The following SNX1 variants were observed in gnomAD, a reference collection of about 807,000 sequenced individuals.
The protein encoded by SNX1 is sorting nexin-1.
Under a neutral mutation model 71.8 loss-of-function variants are expected in SNX1, and 36 were observed. That is an observed-to-expected ratio of 0.50 (90% CI 0.38 to 0.66). The LOEUF (loss-of-function observed/expected upper bound fraction) is 0.66. SNX1 is among the 30% of genes least tolerant of loss of function. The pLI is 0.00. For synonymous variants in SNX1, 254 were observed against 240.7 expected (o/e 1.06, Z -0.51); for missense variants, 612 against 646.7 (o/e 0.95, Z 0.58).
At chr15:64,108,987 C>CA (rs57979534) in intron 1 of SNX1, among the ~76,000 whole-genome samples, 242 of 100,816 alleles carry the variant, frequency 2.4e-3, no homozygotes, top group East Asian at 5.2e-3. Context: ...GATTCCATCT[C>CA]AAAAAAAAAA....
chr15:64,136,802 C>A, intron 13 of SNX1, 59 bp from the exon 14 acceptor site: 1 of 1,288,766 alleles, frequency 7.8e-7, no homozygotes, highest in Non-Finnish European at 1.1e-6. Context: ...ATAAACACCA[C>A]CATCCCATCG....
At chr15:64,122,597 C>G (rs1391931686) in intron 4 of SNX1, among the ~76,000 whole-genome samples, 5 of 152,158 alleles carry the variant, frequency 3.3e-5, no homozygotes. Flanking sequence ...ACCCCTCACC[C>G]CAGAACCAGT....
rs371935810 is a variant in SNX1 at position 64,136,349 on chromosome 15, A to G, written c.1385A>G (p.Gln462Arg). 22 of 1,613,928 alleles carry G rather than the reference A, an allele frequency of 1.4e-5. No individual in the cohort carries two copies. The African/African-American group carries it at 2.8e-4, about 21-fold the overall frequency. The stretch of plus-strand genomic sequence containing the variant: ...TCCCAGTGGGAGTCTCGGGTGACTC[A>G]ATATGAAAGGGACTTCGAGAGGATT... ...EILEWESRVT[Q>R]YERDFERIST... is the part of the protein sequence containing the mutation. The change falls in exon 13 of 15, where the codon CAA becomes CGA. Residue 462 changes from glutamine (Q) to arginine (R), a missense_variant. Gln to Arg is a conservative substitution (Grantham distance 43). Around this residue, in one of 2 missense-constraint regions of SNX1, gnomAD observed 296 missense variants for 361.9 expected, o/e 0.82. Coordinates refer to ENST00000559844, the MANE Select transcript of SNX1 (RefSeq NM_003099.5).
intron 6 of SNX1, among the ~76,000 whole-genome samples, chr15:64,126,460 G>A (rs1301948300): frequency 6.6e-6 from 1 of 152,150 alleles, no homozygotes; most frequent in African/African-American, 2.4e-5. Flanking sequence ...TTTTCTGTTG[G>A]TCTTCAGGAG....
In SNX1 at chr15:64,129,921, A is replaced by G. The variant is rs1454346705; in HGVS notation, c.813A>G (p.Pro271=). The change falls in exon 9 of 15, where the codon CCA becomes CCG. Residue 271 remains proline, a synonymous_variant. Transcript: ENST00000559844. The surrounding 1 kb of genome is among the most constrained non-coding windows in gnomAD (Gnocchi z 4.4). ...VREFLEKEEL[P]RAVGTQTLSG... is the part of the protein sequence containing the mutation. ...CTGCCTTCTTGGTCTTGTAGCTGCCACGTGCCGTGGGTACCCAGACATTGA... is the reference window on the plus strand; with the variant it reads ...CTGCCTTCTTGGTCTTGTAGCTGCCGCGTGCCGTGGGTACCCAGACATTGA... The G allele has an allele frequency of 6.2e-7, 1 of 1,613,638 alleles. No individual in the cohort carries two copies. Among genetic ancestry groups the G allele is most frequent in the Non-Finnish European group, 8.5e-7 (1 of 1,179,586 alleles).
intron 1 of SNX1, among the ~76,000 whole-genome samples, chr15:64,104,970 C>T (rs912525248): frequency 2.0e-5 from 3 of 151,214 alleles, no homozygotes; most frequent in Non-Finnish European, 4.4e-5. Context: ...CACGGTGGCT[C>T]ACGCCTGTAA....
chr15:64,127,594 C>T (rs2081266562), intron 7 of SNX1, 137 bp from the exon 8 acceptor site: 1 of 645,880 alleles, frequency 1.5e-6, no homozygotes, highest in African/African-American at 1.8e-5. Flanking sequence ...CAAGGAGAGA[C>T]CTACTTAAGT....
intron 14 of SNX1, 30 bp from the exon 15 acceptor site, chr15:64,137,538 C>T: frequency 6.2e-7 from 1 of 1,613,730 alleles, no homozygotes; most frequent in Non-Finnish European, 8.5e-7. Flanking sequence ...TAGGTGGGGG[C>T]ACTTGCTTAA....
At position 64,142,566 on chromosome 15, in the gene SNX1, G is replaced by A; in HGVS notation, c.*4948G>A. 2.2e-6 allele frequency: 1 copy of A among 452,680 alleles called. No homozygotes were observed. Among genetic ancestry groups the A allele is most frequent in the Non-Finnish European group, 4.4e-6 (1 of 224,822 alleles). 28.0% of individuals were successfully genotyped at this position (452,680 alleles called of 1,614,324 possible). A position where few individuals can be genotyped will look rare whatever the true frequency, so the allele number is the denominator to read the frequency against. On this transcript the variant is annotated 3_prime_UTR_variant, in exon 15 of 15. Transcript: ENST00000559844. Reference sequence around the variant, plus strand: ...CTGCTGAGGCCACAGGAAAGAATCTGTAGGTGGAGGGGAGGCCGAAGAGGG... The same window carrying A: ...CTGCTGAGGCCACAGGAAAGAATCTATAGGTGGAGGGGAGGCCGAAGAGGG...
chr15:64,138,321 C>CTA lies in SNX1; in HGVS notation c.*704_*705insAT. ...TGCAAAGGAGGCAGAGACTTTCTCT[C>CTA]TCTCTTTTTTTTTTTTTTTTGGTGT... On this transcript the variant is annotated 3_prime_UTR_variant, in exon 15 of 15. Transcript: ENST00000559844. 1.1e-5 allele frequency: 8 copies of CTA among 748,152 alleles called. No homozygotes were observed. Among genetic ancestry groups the CTA allele is most frequent in the African/African-American group, 6.9e-5 (3 of 43,736 alleles). 46.3% of individuals were successfully genotyped at this position (748,152 alleles called of 1,614,324 possible).
chr15:64,138,393 C>A lies in SNX1; in HGVS notation c.*775C>A. 1.9e-6 allele frequency: 1 copy of A among 537,924 alleles called. No individual in the cohort carries two copies. The highest frequency in any genetic ancestry group is 3.2e-6 in the Non-Finnish European group (1 of 315,348). 33.3% of individuals were successfully genotyped at this position (537,924 alleles called of 1,614,324 possible). Reference sequence around the variant, plus strand: ...TTTCTCTTTTATTCTTCCTGCTTCCCTAAGCTGCTCAGGGTTCTCTGAGTC... The same window carrying A: ...TTTCTCTTTTATTCTTCCTGCTTCCATAAGCTGCTCAGGGTTCTCTGAGTC... On this transcript the variant is annotated 3_prime_UTR_variant, in exon 15 of 15. Coordinates refer to ENST00000559844, the MANE Select transcript of SNX1 (RefSeq NM_003099.5).
chr15:64,134,002 G>C lies in SNX1; in HGVS notation c.1222-662G>C, dbSNP rs796549571. 8.5e-5 allele frequency among the ~76,000 whole-genome samples: 13 copies of C among 152,332 alleles called. No individual in the cohort carries two copies. Among genetic ancestry groups the C allele is most frequent in the African/African-American group, 3.1e-4 (13 of 41,570 alleles). On this transcript the variant is annotated intron_variant, in intron 11 of 14. Coordinates refer to ENST00000559844, the MANE Select transcript of SNX1 (RefSeq NM_003099.5). This position sits in a 1 kb window ranked among gnomAD's most constrained non-coding sequence, Gnocchi z 4.1. ...GTAGCCTAGAGCAGGTGAGTGTGTGGTTGGGAAAAAGCAATGTGGCCCTAT... is the reference window on the plus strand; with the variant it reads ...GTAGCCTAGAGCAGGTGAGTGTGTGCTTGGGAAAAAGCAATGTGGCCCTAT...
In SNX1 at chr15:64,143,309, T is replaced by C. The variant is rs1201312985; in HGVS notation, c.*5691T>C. The stretch of plus-strand genomic sequence containing the variant: ...AGAACAACTGAAGCCTGTCTTCTGG[T>C]GCATGTGTCACCTGCCGATAACTGC... On this transcript the variant is annotated 3_prime_UTR_variant, in exon 15 of 15. Coordinates refer to ENST00000559844, the MANE Select transcript of SNX1 (RefSeq NM_003099.5). The C allele has an allele frequency of 6.6e-6, 1 of 152,250 alleles. No homozygotes were observed. The highest frequency in any genetic ancestry group is 1.5e-5 in the Non-Finnish European group (1 of 68,078). The allele number at this position is 152,250 out of a possible 1,614,324, so 9.4% of individuals were successfully genotyped here.
rs1199762061 is a variant in SNX1 at position 64,139,824 on chromosome 15, CTTT to C, written c.*2208_*2210del. On this transcript the variant is annotated 3_prime_UTR_variant, in exon 15 of 15. Coordinates refer to ENST00000559844, the MANE Select transcript of SNX1 (RefSeq NM_003099.5). ...TCAATACTGCAGATTCCTCAACTTT[CTTT>C]TGTCTTTCATTACCATGACATTTTT... 1 of 152,058 alleles carries C rather than the reference CTTT, an allele frequency of 6.6e-6. No individual in the cohort carries two copies. The highest frequency in any genetic ancestry group is 1.5e-5 in the Non-Finnish European group (1 of 68,038). 9.4% of individuals were successfully genotyped at this position (152,058 alleles called of 1,614,324 possible). A position where few individuals can be genotyped will look rare whatever the true frequency, so the allele number is the denominator to read the frequency against.
In SNX1 at chr15:64,144,036, T is replaced by A. The variant is rs1019379369; in HGVS notation, c.*6418T>A. On this transcript the variant is annotated 3_prime_UTR_variant, in exon 15 of 15. Coordinates refer to ENST00000559844, the MANE Select transcript of SNX1 (RefSeq NM_003099.5). The surrounding 1 kb of genome is among the most constrained non-coding windows in gnomAD (Gnocchi z 4.3). ...TAGTGAAAAAAGCAGGTTATAGAAT[T>A]GCATGATATTCACATTTATATAAAA... The A allele has an allele frequency of 1.3e-5, 2 of 152,150 alleles. No homozygotes were observed. The highest frequency in any genetic ancestry group is 1.3e-4 in the Admixed American group (2 of 15,284). 9.4% of individuals were successfully genotyped at this position (152,150 alleles called of 1,614,324 possible).
chr15:64,127,201 A>T lies in SNX1; in HGVS notation c.680A>T (p.Glu227Val). The T allele has an allele frequency of 6.2e-7, 1 of 1,613,834 alleles. No individual in the cohort carries two copies. The highest frequency in any genetic ancestry group is 1.1e-5 in the South Asian group (1 of 91,038). Residue 227 changes from glutamate to valine, a missense_variant, in exon 7 of 15, where the codon GAA (glutamate) becomes GTA (valine). Around this residue, in one of 2 missense-constraint regions of SNX1, gnomAD observed 316 missense variants for 284.9 expected, o/e 1.11. Transcript: ENST00000559844. ...IGMTKVKVGK[E>V]DSSSAEFLEK... ...ATGACAAAAGTGAAAGTTGGGAAGG[A>T]AGATTCTTCTTCTGCAGAATTTCTT... is the stretch of plus-strand genomic sequence containing the variant.
chr15:64,107,380 A>G (rs919496410), intron 1 of SNX1, among the ~76,000 whole-genome samples: 1 of 152,214 alleles, frequency 6.6e-6, no homozygotes, highest in African/African-American at 2.4e-5. Flanking sequence ...TGGACAACCT[A>G]AAGGTAAGTT....
At chr15:64,105,946 C>G (rs562477787) in intron 1 of SNX1, among the ~76,000 whole-genome samples, 10 of 152,082 alleles carry the variant, frequency 6.6e-5, no homozygotes, top group Non-Finnish European at 1.3e-4. Flanking sequence ...AGCCTGTGGA[C>G]ACATCCCCAG....
rs2081153279 is a variant in SNX1, at chr15:64,118,234, C to T, written c.389C>T (p.Thr130Ile). ...EATNSSKPQP[T>I]YEELEEEEQE... Reference sequence around the variant, plus strand: ...ACAAATTCTTCGAAGCCCCAGCCAACCTATGAGGAGGTGAGGATCTGTGCT... The same window carrying T: ...ACAAATTCTTCGAAGCCCCAGCCAATCTATGAGGAGGTGAGGATCTGTGCT... The change falls in exon 3 of 15, where the codon ACC (threonine) becomes ATC (isoleucine). Residue 130 changes from threonine to isoleucine, a missense_variant. Thr to Ile is a moderately conservative substitution (Grantham distance 89). Coordinates refer to ENST00000559844, the MANE Select transcript of SNX1 (RefSeq NM_003099.5). The T allele has an allele frequency of 6.2e-7, 1 of 1,612,882 alleles. No individual in the cohort carries two copies. The highest frequency in any genetic ancestry group is 8.5e-7 in the Non-Finnish European group (1 of 1,179,678).
Sources: allele counts gnomAD v4.1 joint callset (sites outside exome capture counted in the v4.1 genomes callset), GRCh38; gene constraint gnomAD v4.1.1; regional missense constraint gnomAD v4.1.1; non-coding constraint Gnocchi (gnomAD v3.1); transcripts MANE v1.5; gene names NCBI Gene and HGNC (gene_info 2026-07-23, HGNC 2026-07-21).